Variants in KPNA7 observed in about 807,000 individuals in gnomAD.
KPNA7 encodes importin subunit alpha-8.
KPNA7 carries 54 observed loss-of-function variants against 53.7 expected under a neutral mutation model. That is an observed-to-expected ratio of 1.01 (90% CI 0.81 to 1.26). The LOEUF (loss-of-function observed/expected upper bound fraction) is 1.26. KPNA7 is among the 50% of genes most tolerant of loss of function. KPNA7 has a pLI of 0.00. For synonymous variants in KPNA7, 276 were observed against 259.3 expected (o/e 1.06, Z -0.62); for missense variants, 640 against 644.5 (o/e 0.99, Z 0.07).
rs1790437266 is a variant in KPNA7 at position 99,200,154 on chromosome 7, C to T, written c.201+2952G>A. Among the ~76,000 whole-genome samples, 2 of 152,218 alleles carry T rather than the reference C, an allele frequency of 1.3e-5. 1 individual carries two copies. Among genetic ancestry groups the T allele is most frequent in the Admixed American group, 1.3e-4 (2 of 15,280 alleles). On this transcript the variant is annotated intron_variant, in intron 3 of 10. Coordinates refer to ENST00000327442, the MANE Select transcript of KPNA7 (RefSeq NM_001145715.3). ...CTGACCTCAAGTGATCCATCCGCCT[C>T]AGCCTCCTAATATGCTGGGATTATA... is the stretch of plus-strand genomic sequence containing the variant.
intron 3 of KPNA7, among the ~76,000 whole-genome samples, chr7:99,202,391 T>C (rs1790581470): frequency 6.6e-6 from 1 of 151,986 alleles, no homozygotes; most frequent in Admixed American, 6.6e-5. Context: ...TTTAATAAGG[T>C]TGGGGTAGAT....
chr7:99,202,782 G>A (rs1790609668), intron 3 of KPNA7, among the ~76,000 whole-genome samples: 1 of 152,054 alleles, frequency 6.6e-6, no homozygotes, highest in Admixed American at 6.6e-5. Context: ...GGAGATTAGG[G>A]CTGCAATGAG....
rs1228949254 is a variant in KPNA7, at chr7:99,181,101, G to C, written c.1317+782C>G. On this transcript the variant is annotated intron_variant, in intron 9 of 10. Coordinates refer to ENST00000327442, the MANE Select transcript of KPNA7 (RefSeq NM_001145715.3). The stretch of plus-strand genomic sequence containing the variant: ...TGTGTCTCTCTCTCTCTCTCCGTCT[G>C]TGTCTCTCTCTCCGTCTGTGTCTCT... Among the ~76,000 whole-genome samples, 2 of 36,530 alleles carry C rather than the reference G, an allele frequency of 5.5e-5. 1 individual carries two copies. The highest frequency in any genetic ancestry group is 1.8e-4 in the African/African-American group (2 of 11,132). The allele number at this position is 36,530 out of a possible 152,430, so 24.0% of individuals were successfully genotyped here.
rs756807848 is a variant in KPNA7 at position 99,178,771 on chromosome 7, CAAAAAAAAAAA to C, written c.1318-716_1318-706del. On this transcript the variant is annotated intron_variant, in intron 9 of 10. Transcript: ENST00000327442. ...GCATTTGGCCCAAATATCTTTGTCT[CAAAAAAAAAAA>C]AAAAAAAAAAAAAAAAAAAAAAAAG... Among the ~76,000 whole-genome samples the C allele has an allele frequency of 8.0e-3, 222 of 27,698 alleles. 2 individuals carry two copies. Among genetic ancestry groups the C allele is most frequent in the African/African-American group, 0.027 (209 of 7,848 alleles). 18.2% of individuals were successfully genotyped at this position (27,698 alleles called of 152,430 possible).
chr7:99,212,247 T>C (rs1791094767), upstream of KPNA7, among the ~76,000 whole-genome samples: 1 of 137,406 alleles, frequency 7.3e-6, no homozygotes, highest in African/African-American at 2.7e-5. Flanking sequence ...TTTTTTTTTT[T>C]TTTTTTTTTT....
At chr7:99,154,623 A>G in the KPNA7 span, among the ~76,000 whole-genome samples, 3 of 151,870 alleles carry the variant, frequency 2.0e-5, no homozygotes, top group South Asian at 6.3e-4. Flanking sequence ...TCCACCTCCA[A>G]GCGATTCTCC....
chr7:99,176,711 CA>C (rs368740635), intron 10 of KPNA7, among the ~76,000 whole-genome samples: 3,491 of 151,742 alleles, frequency 0.023, 138 homozygotes, highest in African/African-American at 0.081. Context: ...CCCATCTCTA[CA>C]AAAAAAATAC....
intron 1 of KPNA7, among the ~76,000 whole-genome samples, chr7:99,216,259 G>A (rs1172432863): frequency 6.6e-6 from 1 of 152,012 alleles, no homozygotes. Flanking sequence ...GAAGTCCTGG[G>A]CTCAAGTGAT....
intron 9 of KPNA7, among the ~76,000 whole-genome samples, chr7:99,178,771 CAAAAAAAAAAAAAAAAA>C (rs756807848): frequency 0.012 from 324 of 27,722 alleles, 2 homozygotes; most frequent in East Asian, 0.083. Flanking sequence ...ATCTTTGTCT[CAAAAAAAAAAAAAAAAA>C]AAAAAAAAAA....
intron 9 of KPNA7, among the ~76,000 whole-genome samples, chr7:99,180,631 G>A (rs115961317): frequency 3.0e-4 from 21 of 69,506 alleles, no homozygotes; most frequent in South Asian, 2.3e-3. Flanking sequence ...CTCTCTCCCC[G>A]TCTCTCTCTC....
chr7:99,170,661 G>A (rs1044529133), downstream of KPNA7, among the ~76,000 whole-genome samples: 3 of 152,102 alleles, frequency 2.0e-5, no homozygotes, highest in African/African-American at 7.2e-5. Flanking sequence ...AAATTAAAAG[G>A]ACAATTCTAG....
downstream of KPNA7, among the ~76,000 whole-genome samples, chr7:99,169,725 C>T (rs1367801891): frequency 6.6e-6 from 1 of 151,638 alleles, no homozygotes; most frequent in Non-Finnish European, 1.5e-5. Flanking sequence ...TTTAGGAAAA[C>T]TAACCAGCCC....
intron 2 of KPNA7, 121 bp downstream of exon 2, chr7:99,207,280 G>A (rs1055012694): frequency 4.0e-5 from 31 of 772,578 alleles, no homozygotes; most frequent in Middle Eastern, 3.3e-4. Flanking sequence ...TGATCTGCCC[G>A]TCTCAGCCTC....
At position 99,215,975 on chromosome 7, in the gene KPNA7, TA is replaced by T. The variant is rs77323325; in HGVS notation, c.-23-8487del. Among the ~76,000 whole-genome samples, 799 of 133,584 alleles carry T rather than the reference TA, an allele frequency of 6.0e-3. 2 individuals are homozygous for T. Among genetic ancestry groups the T allele is most frequent in the East Asian group, 7.3e-3 (34 of 4,688 alleles). The allele number at this position is 133,584 out of a possible 152,430, so 87.6% of individuals were successfully genotyped here. A position where few individuals can be genotyped will look rare whatever the true frequency, so the allele number is the denominator to read the frequency against. On this transcript the variant is annotated intron_variant, in intron 1 of 10. Coordinates refer to the KPNA7 transcript ENST00000681060. ...CTAGGCAAGAGATCCCTTCTCTAAT[TA>T]AAAAAAAAAAAAAAAGAAAAGCACT... is the stretch of plus-strand genomic sequence containing the variant.
chr7:99,187,555 A>ATTTT lies in KPNA7; in HGVS notation c.900+741_900+744dup, dbSNP rs36042018. 3.4e-3 allele frequency among the ~76,000 whole-genome samples: 422 copies of ATTTT among 124,414 alleles called. 3 individuals carry two copies. Among genetic ancestry groups the ATTTT allele is most frequent in the African/African-American group, 0.011 (383 of 33,768 alleles). The allele number at this position is 124,414 out of a possible 152,430, so 81.6% of individuals were successfully genotyped here. A position where few individuals can be genotyped will look rare whatever the true frequency, so the allele number is the denominator to read the frequency against. On this transcript the variant is annotated intron_variant, in intron 7 of 10. Coordinates refer to ENST00000327442, the MANE Select transcript of KPNA7 (RefSeq NM_001145715.3). ...AGGTATGCACCACCACACCCAGCTA[A>ATTTT]TTTTTTTTTTTTTTTTTTGAGATGG...
At chr7:99,182,583 T>C (rs1789321947) in intron 8 of KPNA7, among the ~76,000 whole-genome samples, 1 of 151,968 alleles carries the variant, frequency 6.6e-6, no homozygotes, top group South Asian at 2.1e-4. Flanking sequence ...GATCCTCCCA[T>C]CTCGGCCTCC....
chr7:99,171,906 G>T (rs1174661509), downstream of KPNA7, among the ~76,000 whole-genome samples: 1 of 152,200 alleles, frequency 6.6e-6, no homozygotes, highest in Non-Finnish European at 1.5e-5. Context: ...AACTATTCCA[G>T]GCTGGAGCAT....
At chr7:99,186,250 G>A (rs1422732527) in intron 7 of KPNA7, among the ~76,000 whole-genome samples, 1 of 152,142 alleles carries the variant, frequency 6.6e-6, no homozygotes, top group Non-Finnish European at 1.5e-5. Context: ...GTCTACGATT[G>A]GGCTCAAAAC....
intron 1 of KPNA7, among the ~76,000 whole-genome samples, chr7:99,219,128 C>T (rs1467655034): frequency 1.3e-5 from 2 of 152,218 alleles, no homozygotes; most frequent in Admixed American, 6.5e-5. Context: ...GAGCCCGCCC[C>T]GGGCAAGAGG....
Sources: allele counts gnomAD v4.1 joint callset (sites outside exome capture counted in the v4.1 genomes callset), GRCh38; gene constraint gnomAD v4.1.1; transcripts MANE v1.5; gene names NCBI Gene and HGNC (gene_info 2026-07-23, HGNC 2026-07-21).